The following NKAIN3 variants were observed in gnomAD, a reference collection of about 807,000 sequenced individuals.
NKAIN3 encodes sodium/potassium-transporting ATPase subunit beta-1-interacting protein 3.
NKAIN3 carries 25 observed loss-of-function variants against 30.2 expected under a neutral mutation model. That is an observed-to-expected ratio of 0.83 (90% CI 0.60 to 1.16). NKAIN3 has a LOEUF of 1.16. NKAIN3 is among the 50% of genes most tolerant of loss of function. The pLI, the probability that NKAIN3 is intolerant of heterozygous loss-of-function variation, is 0.00. For missense variants in NKAIN3, 225 were observed against 254.1 expected, an observed-to-expected ratio of 0.89 and a Z score of 0.78; for synonymous variants, 91 against 89.6, an observed-to-expected ratio of 1.02 and a Z score of -0.09.
intron 4 of NKAIN3, among the ~76,000 whole-genome samples, chr8:62,820,885 G>T (rs566037606): frequency 1.0e-3 from 155 of 152,228 alleles, no homozygotes; most frequent in African/African-American, 3.7e-3. Context: ...GAAGCAATCT[G>T]AGTCTACAAA....
chr8:62,799,583 T>C (rs201299373), intron 4 of NKAIN3, among the ~76,000 whole-genome samples: 1 of 152,188 alleles, frequency 6.6e-6, no homozygotes, highest in Non-Finnish European at 1.5e-5. Context: ...GGGAAGACTT[T>C]TACACTGTTG....
rs181481970 is a variant in NKAIN3 at position 62,521,884 on chromosome 8, G to A, written c.55-57655G>A. Among the ~76,000 whole-genome samples, 144 of 152,218 alleles carry A rather than the reference G, an allele frequency of 9.5e-4. 1 individual carries two copies. The highest frequency in any genetic ancestry group is 3.4e-3 in the African/African-American group (142 of 41,564). ...AAATTGTTTTATTTCTTAGTCAAGG[G>A]AAGTCTGAATTCTTAAACGCTATAA... On this transcript the variant is annotated intron_variant, in intron 1 of 6. Coordinates refer to ENST00000623646, the MANE Select transcript of NKAIN3 (RefSeq NM_001304533.3).
intron 1 of NKAIN3, among the ~76,000 whole-genome samples, chr8:62,396,583 T>C (rs1244649061): frequency 6.6e-6 from 1 of 152,230 alleles, no homozygotes; most frequent in Non-Finnish European, 1.5e-5. Flanking sequence ...GCTTAAACAA[T>C]TGTGGCTCTT....
chr8:62,647,477 A>G (rs1197192700), intron 3 of NKAIN3, among the ~76,000 whole-genome samples: 1 of 152,190 alleles, frequency 6.6e-6, no homozygotes, highest in South Asian at 2.1e-4. Flanking sequence ...AAGTGCTGTG[A>G]GAACAAATCT....
downstream of NKAIN3, among the ~76,000 whole-genome samples, chr8:62,987,730 C>G (rs925915286): frequency 2.6e-5 from 4 of 152,108 alleles, no homozygotes; most frequent in Non-Finnish European, 4.4e-5. Flanking sequence ...GTGGGGAACA[C>G]AGCCAAACCA....
chr8:62,990,145 A>G, intron 5 of NKAIN3: 2 of 1,096,334 alleles, frequency 1.8e-6, no homozygotes, highest in South Asian at 1.5e-5. Flanking sequence ...TATTTTAAAA[A>G]TCAACTTATT....
At chr8:62,842,276 A>C (rs946374845) in intron 4 of NKAIN3, among the ~76,000 whole-genome samples, 1 of 152,174 alleles carries the variant, frequency 6.6e-6, no homozygotes, top group Non-Finnish European at 1.5e-5. Flanking sequence ...AACAGAAAAA[A>C]ATTTAAAACT....
rs375332001 is a variant in NKAIN3, at chr8:62,996,598, T to C, written c.533-2633T>C. 3.3e-5 allele frequency among the ~76,000 whole-genome samples: 5 copies of C among 152,148 alleles called. No individual in the cohort carries two copies. In the East Asian group the frequency reaches 9.6e-4, roughly 29 times the overall value. On this transcript the variant is annotated intron_variant, in intron 5 of 5. Transcript: ENST00000519049. ...AAAAGTCCAAGTCCAAAGTCTCATC[T>C]GAGACAAGGTATGTCCCTTCCACCT...
chr8:62,439,044 G>A (rs1482190345), intron 1 of NKAIN3, among the ~76,000 whole-genome samples: 1 of 152,256 alleles, frequency 6.6e-6, no homozygotes, highest in Non-Finnish European at 1.5e-5. Context: ...AGTCAGGTGG[G>A]GCAAATTAGG....
At chr8:62,797,512 T>C (rs768184885) in intron 4 of NKAIN3, among the ~76,000 whole-genome samples, 2 of 152,200 alleles carry the variant, frequency 1.3e-5, no homozygotes, top group Admixed American at 6.6e-5. Flanking sequence ...TTTACCTGTG[T>C]CTCCTGCCAG....
At chr8:62,775,660 C>T (rs1817169600) in intron 4 of NKAIN3, among the ~76,000 whole-genome samples, 1 of 151,996 alleles carries the variant, frequency 6.6e-6, no homozygotes, top group Non-Finnish European at 1.5e-5. Flanking sequence ...TATTGACCCA[C>T]TGGTCATTCA....
intron 4 of NKAIN3, among the ~76,000 whole-genome samples, chr8:62,913,561 A>T (rs938223947): frequency 6.6e-6 from 1 of 152,230 alleles, no homozygotes; most frequent in Non-Finnish European, 1.5e-5. Context: ...GATGAATTAC[A>T]ATCTCTGTGC....
chr8:62,414,748 A>G lies in NKAIN3; in HGVS notation c.55-164791A>G, dbSNP rs188314078. Among the ~76,000 whole-genome samples, 215 of 152,270 alleles carry G rather than the reference A, an allele frequency of 1.4e-3. 2 individuals carry two copies. Among genetic ancestry groups the G allele is most frequent in the African/African-American group, 5.0e-3 (209 of 41,578 alleles). ...AGCAGTCAGTATTTAACTATGATAC[A>G]TGAAATGTTATTTCTTTTAGGTTAG... On this transcript the variant is annotated intron_variant, in intron 1 of 6. Coordinates refer to ENST00000623646, the MANE Select transcript of NKAIN3 (RefSeq NM_001304533.3).
intron 1 of NKAIN3, among the ~76,000 whole-genome samples, chr8:62,428,802 C>G (rs1461039323): frequency 6.6e-6 from 1 of 151,774 alleles, no homozygotes; most frequent in Non-Finnish European, 1.5e-5. Context: ...TTAATTGTTT[C>G]CTTTGCTGTA....
In NKAIN3 at chr8:62,949,950, C is replaced by T. The variant is rs116349181; in HGVS notation, c.533-3952C>T. Reference sequence around the variant, plus strand: ...AATACTTTTGAAAACCTGTCCATACCTTTTCTATTTCTTTTCGTGTTTCAT... The same window carrying T: ...AATACTTTTGAAAACCTGTCCATACTTTTTCTATTTCTTTTCGTGTTTCAT... On this transcript the variant is annotated intron_variant, in intron 5 of 6. Coordinates refer to ENST00000623646, the MANE Select transcript of NKAIN3 (RefSeq NM_001304533.3). Among the ~76,000 whole-genome samples, 9 of 152,144 alleles carry T rather than the reference C, an allele frequency of 5.9e-5. No homozygotes were observed. The South Asian group carries it at 1.9e-3, about 32-fold the overall frequency.
intron 4 of NKAIN3, among the ~76,000 whole-genome samples, chr8:62,858,033 T>TGTC (rs1315003527): frequency 9.7e-5 from 4 of 41,348 alleles, no homozygotes; most frequent in Admixed American, 1.9e-4. Flanking sequence ...ACAGGGATTT[T>TGTC]TTCTTGTTGT....
intron 1 of NKAIN3, among the ~76,000 whole-genome samples, chr8:62,546,751 C>T (rs1312412637): frequency 6.6e-6 from 1 of 152,046 alleles, no homozygotes; most frequent in Non-Finnish European, 1.5e-5. Context: ...TTAAACATAA[C>T]CTTTAAAAAT....
chr8:62,525,990 C>G (rs544681924), intron 1 of NKAIN3, among the ~76,000 whole-genome samples: 2 of 152,220 alleles, frequency 1.3e-5, no homozygotes, highest in African/African-American at 4.8e-5. Context: ...CAGTTTAGTG[C>G]TCGTATTTTT....
At chr8:62,415,176 A>G (rs1000929691) in intron 1 of NKAIN3, among the ~76,000 whole-genome samples, 1 of 142,070 alleles carries the variant, frequency 7.0e-6, no homozygotes, top group Admixed American at 7.5e-5. Flanking sequence ...TATAATATAT[A>G]TTATATTACA....
Sources: gnomAD v4.1 joint callset for allele counts (sites outside exome capture counted in the v4.1 genomes callset) on GRCh38, gnomAD v4.1.1 for gene constraint, MANE v1.5 for transcripts, NCBI Gene and HGNC (gene_info 2026-07-23, HGNC 2026-07-21) for gene names.